MGST1: variants seen among roughly 807,000 people sequenced by gnomAD.
MGST1 encodes the protein microsomal glutathione S-transferase 1.
In MGST1, 5 loss-of-function variants were observed where a neutral mutation model predicts 8.9. The observed-to-expected ratio is 0.56, with a 90% CI of 0.29 to 1.19. MGST1 has a LOEUF of 1.19. MGST1 is among the 50% of genes most tolerant of loss of function. The probability of loss-of-function intolerance (pLI) is 0.08; values close to 1 mark genes in which losing one functional copy is unlikely to be tolerated. For synonymous variants in MGST1, 54 were observed against 67.8 expected (o/e 0.80, Z 1.00); for missense variants, 182 against 187.4 (o/e 0.97, Z 0.17).
rs983776838 is a variant in MGST1 at position 16,513,410 on chromosome 12, A to G, written n.483-76118A>G. 7.7e-6 allele frequency: 3 copies of G among 390,928 alleles called. No individual in the cohort carries two copies. The highest frequency in any genetic ancestry group is 1.0e-5 in the Non-Finnish European group (2 of 200,934). The allele number at this position is 390,928 out of a possible 1,614,324, so 24.2% of individuals were successfully genotyped here. On this transcript the variant is annotated intron_variant and non_coding_transcript_variant, in intron 4 of 4. Transcript: ENST00000538857. The surrounding 1 kb of genome is among the most constrained non-coding windows in gnomAD (Gnocchi z 4.2). ...GTCCACCATGGCTCCTCTGCGCTCC[A>G]GCTGCGTCGTCTCCGGGATCGCCGC...
At chr12:16,496,440 T>G (rs1367100282) in intron 4 of MGST1, among the ~76,000 whole-genome samples, 2 of 152,146 alleles carry the variant, frequency 1.3e-5, no homozygotes, top group African/African-American at 4.8e-5. Flanking sequence ...TTAAAATGTA[T>G]GCACACAAAA....
Position 16,504,724 on chromosome 12 carries a change from A to G in MGST1, n.483-84804A>G, listed in dbSNP as rs532784169. On this transcript the variant is annotated intron_variant and non_coding_transcript_variant, in intron 4 of 4. Coordinates refer to the MGST1 transcript ENST00000538857. Reference sequence around the variant, plus strand: ...TAATATTCTTTGCCCTTGTTAGAACATCTTCAATTACCTTTCTCCTTAGTT... The same window carrying G: ...TAATATTCTTTGCCCTTGTTAGAACGTCTTCAATTACCTTTCTCCTTAGTT... 8.5e-5 allele frequency among the ~76,000 whole-genome samples: 13 copies of G among 152,286 alleles called. No homozygotes were observed. The South Asian group carries it at 2.5e-3, about 29-fold the overall frequency.
intron 1 of MGST1, among the ~76,000 whole-genome samples, chr12:16,392,254 C>CA (rs1940559745): frequency 6.6e-6 from 1 of 152,106 alleles, no homozygotes; most frequent in Non-Finnish European, 1.5e-5. Flanking sequence ...ATTTGCATTG[C>CA]GTCTTCTTTG....
At chr12:16,471,961 A>G (rs1049568761) in intron 4 of MGST1, among the ~76,000 whole-genome samples, 1 of 152,032 alleles carries the variant, frequency 6.6e-6, no homozygotes, top group East Asian at 1.9e-4. Flanking sequence ...GTATGCACAC[A>G]TTGTCCGCTC....
At chr12:16,509,413 G>A (rs1003279066) in intron 4 of MGST1, among the ~76,000 whole-genome samples, 7 of 152,054 alleles carry the variant, frequency 4.6e-5, no homozygotes, top group African/African-American at 1.4e-4. Context: ...ATAGTGTTTA[G>A]CATTAAAAAG....
rs562146232 is a variant in MGST1 at position 16,361,037 on chromosome 12, G to T, written c.222-2758G>T. 1.8e-3 allele frequency among the ~76,000 whole-genome samples: 247 copies of T among 136,646 alleles called. No individual in the cohort carries two copies. Among genetic ancestry groups the T allele is most frequent in the Admixed American group, 6.2e-3 (83 of 13,324 alleles). 89.6% of individuals were successfully genotyped at this position (136,646 alleles called of 152,430 possible). ...GCATATAGGAATGGGAGAATGATAT[G>T]AAGCCATGTTCCATTAGTTCCATGG... is the stretch of plus-strand genomic sequence containing the variant. On this transcript the variant is annotated intron_variant, in intron 3 of 3. Coordinates refer to ENST00000396210, the MANE Select transcript of MGST1 (RefSeq NM_020300.5). The surrounding 1 kb of genome is among the most constrained non-coding windows in gnomAD (Gnocchi z 4.2).
intron 1 of MGST1, among the ~76,000 whole-genome samples, chr12:16,384,834 T>C (rs1030374311): frequency 1.3e-5 from 2 of 152,220 alleles, no homozygotes; most frequent in Non-Finnish European, 2.9e-5. Flanking sequence ...TGTACGCAGC[T>C]TCCTGGAGTT....
In MGST1 at chr12:16,586,676, G is replaced by C. The variant is rs554749362; in HGVS notation, n.483-2852G>C. Reference sequence around the variant, plus strand: ...AATAAGGCTATACCGTCGGGGTAGAGATTTCAAGATACACATCTTTTGACC... The same window carrying C: ...AATAAGGCTATACCGTCGGGGTAGACATTTCAAGATACACATCTTTTGACC... On this transcript the variant is annotated intron_variant and non_coding_transcript_variant, in intron 4 of 4. Transcript: ENST00000538857. This position sits in a 1 kb window ranked among gnomAD's most constrained non-coding sequence, Gnocchi z 4.3. Among the ~76,000 whole-genome samples the C allele has an allele frequency of 6.6e-6, 1 of 152,286 alleles. No individual in the cohort carries two copies. Among genetic ancestry groups the C allele is most frequent in the East Asian group, 1.9e-4 (1 of 5,168 alleles).
chr12:16,545,313 A>C (rs142824138), intron 4 of MGST1, among the ~76,000 whole-genome samples: 194 of 152,210 alleles, frequency 1.3e-3, no homozygotes, highest in African/African-American at 4.1e-3. Context: ...TAAACAAAGA[A>C]TAAGTAGCAG....
intron 1 of MGST1, among the ~76,000 whole-genome samples, chr12:16,352,489 G>A (rs952992350): frequency 6.6e-6 from 1 of 152,262 alleles, no homozygotes; most frequent in Admixed American, 6.5e-5. Flanking sequence ...GAGAAAAGTT[G>A]TGTGTGTTCT....
chr12:16,545,784 T>C (rs2098348311), intron 4 of MGST1, among the ~76,000 whole-genome samples: 1 of 152,110 alleles, frequency 6.6e-6, no homozygotes, highest in African/African-American at 2.4e-5. Context: ...AAAAATATAA[T>C]CACTCTCATT....
At chr12:16,566,282 C>A (rs957135479) in intron 4 of MGST1, among the ~76,000 whole-genome samples, 6 of 151,238 alleles carry the variant, frequency 4.0e-5, no homozygotes, top group African/African-American at 1.5e-4. Flanking sequence ...AGAGATTGGT[C>A]AATGGGGCCA....
Position 16,514,689 on chromosome 12 carries a change from C to A in MGST1, n.483-74839C>A, listed in dbSNP as rs79966888. ...CAAGTAATGTCCCTGGTGCAAGGAA[C>A]CAGAGACAACCTTTCTGTCTTCAGC... On this transcript the variant is annotated intron_variant and non_coding_transcript_variant, in intron 4 of 4. Transcript: ENST00000538857. Among the ~76,000 whole-genome samples the A allele has an allele frequency of 9.9e-3, 1,515 of 152,294 alleles. 55 individuals carry two copies. In the East Asian group the frequency reaches 0.14, roughly 14 times the overall value.
At chr12:16,455,166 T>C (rs992880435) in intron 4 of MGST1, among the ~76,000 whole-genome samples, 10 of 151,946 alleles carry the variant, frequency 6.6e-5, no homozygotes, top group African/African-American at 2.4e-4. Context: ...ATATGCCTAG[T>C]TTCATAATAG....
chr12:16,466,972 T>C (rs982917022), intron 4 of MGST1, among the ~76,000 whole-genome samples: 2 of 152,100 alleles, frequency 1.3e-5, no homozygotes, highest in Non-Finnish European at 2.9e-5. Flanking sequence ...CGAGACTTCA[T>C]AGCAGGTAGC....
At chr12:16,528,072 G>A (rs1323986513) in intron 4 of MGST1, among the ~76,000 whole-genome samples, 1 of 152,056 alleles carries the variant, frequency 6.6e-6, no homozygotes. Context: ...AGGGTTGACA[G>A]AGGCGATTAC....
At chr12:16,520,171 T>G (rs1941639513) in intron 4 of MGST1, among the ~76,000 whole-genome samples, 1 of 152,154 alleles carries the variant, frequency 6.6e-6, no homozygotes, top group African/African-American at 2.4e-5. Context: ...TTATTTAGTA[T>G]AACCCTTTCA....
intron 4 of MGST1, among the ~76,000 whole-genome samples, chr12:16,518,415 C>T (rs1941627884): frequency 6.6e-6 from 1 of 152,222 alleles, no homozygotes; most frequent in Non-Finnish European, 1.5e-5. Context: ...GTTCTCCTAT[C>T]TCTACTTCAT....
At chr12:16,588,983 G>A (rs1284516099) in intron 4 of MGST1, among the ~76,000 whole-genome samples, 4 of 151,978 alleles carry the variant, frequency 2.6e-5, no homozygotes, top group Admixed American at 2.6e-4. Flanking sequence ...TTATGAATAG[G>A]ATTCCTATTT....
Sources: allele counts gnomAD v4.1 joint callset (sites outside exome capture counted in the v4.1 genomes callset), GRCh38; gene constraint gnomAD v4.1.1; non-coding constraint Gnocchi (gnomAD v3.1); transcripts MANE v1.5; gene names NCBI Gene and HGNC (gene_info 2026-07-23, HGNC 2026-07-21).